ERN1: variants seen among roughly 807,000 people sequenced by gnomAD.
ERN1 encodes endoplasmic reticulum to nucleus signaling 1.
Under a neutral mutation model 113.1 loss-of-function variants are expected in ERN1, and 39 were observed. The observed-to-expected ratio is 0.34, with a 90% CI of 0.27 to 0.45. ERN1 has a LOEUF of 0.45. ERN1 is among the 20% of genes least tolerant of loss of function. The pLI is 1.00. For synonymous variants in ERN1, 507 were observed against 515.9 expected (o/e 0.98, Z 0.23); for missense variants, 976 against 1,274.8 (o/e 0.77, Z 3.57).
chr17:64,111,882 G>A (rs948848365), intron 1 of ERN1, among the ~76,000 whole-genome samples: 2 of 152,082 alleles, frequency 1.3e-5, no homozygotes, highest in Non-Finnish European at 2.9e-5. Context: ...AAAAATTGGT[G>A]GCAGCCAAAG....
intron 12 of ERN1, 70 bp from the exon 13 acceptor site, chr17:64,056,018 C>G (rs1912856970): frequency 1.4e-6 from 2 of 1,473,826 alleles, no homozygotes; most frequent in Admixed American, 4.9e-5. Context: ...TGGGAAGGGA[C>G]AGGTCCCAGT....
intron 1 of ERN1, among the ~76,000 whole-genome samples, chr17:64,120,802 G>C (rs1176214058): frequency 6.6e-6 from 1 of 152,048 alleles, no homozygotes; most frequent in Non-Finnish European, 1.5e-5. Context: ...ACACACAACT[G>C]GTGCAATCCC....
chr17:64,053,210 C>T (rs1480338328), intron 16 of ERN1, 62 bp downstream of exon 16: 3 of 1,409,654 alleles, frequency 2.1e-6, no homozygotes, highest in Non-Finnish European at 2.9e-6. Flanking sequence ...ACTGGTTAGC[C>T]CCACCTGGGC....
At chr17:64,077,879 G>A (rs1331953751) in intron 4 of ERN1, among the ~76,000 whole-genome samples, 1 of 151,912 alleles carries the variant, frequency 6.6e-6, no homozygotes, top group Non-Finnish European at 1.5e-5. Context: ...CCAAGTAGCT[G>A]GGACTATAGG....
At position 64,124,317 on chromosome 17, in the gene ERN1, G is replaced by C. The variant is rs540017307; in HGVS notation, c.54+5659C>G. ...AATTTGTACACAAATGTTCATGGCA[G>C]AATTATTAATAGTCCCAAAGCAGAA... On this transcript the variant is annotated intron_variant, in intron 1 of 21. Coordinates refer to ENST00000433197, the MANE Select transcript of ERN1 (RefSeq NM_001433.5). 5.9e-5 allele frequency among the ~76,000 whole-genome samples: 9 copies of C among 152,314 alleles called. No individual in the cohort carries two copies. In the South Asian group the frequency reaches 1.9e-3, roughly 32 times the overall value.
intron 1 of ERN1, among the ~76,000 whole-genome samples, chr17:64,121,279 C>A (rs1914947944): frequency 6.6e-6 from 1 of 152,202 alleles, no homozygotes; most frequent in African/African-American, 2.4e-5. Context: ...CACGGTAATG[C>A]AAGAGTTCTA....
chr17:64,120,025 G>A (rs983651200), intron 1 of ERN1, among the ~76,000 whole-genome samples: 3 of 152,062 alleles, frequency 2.0e-5, no homozygotes, highest in African/African-American at 7.2e-5. Flanking sequence ...CCAAAGTGCT[G>A]GGATTACAGG....
At chr17:64,091,768 G>C (rs755994959) in intron 2 of ERN1, among the ~76,000 whole-genome samples, 1 of 151,992 alleles carries the variant, frequency 6.6e-6, no homozygotes. Flanking sequence ...GAGTTGGGGC[G>C]GGGGGGCGGC....
intron 1 of ERN1, among the ~76,000 whole-genome samples, chr17:64,126,407 A>T (rs1163023784): frequency 6.6e-6 from 1 of 152,190 alleles, no homozygotes; most frequent in Non-Finnish European, 1.5e-5. Flanking sequence ...ACGGAGTCCA[A>T]ATCTGGGGCA....
intron 19 of ERN1, among the ~76,000 whole-genome samples, chr17:64,047,576 C>T (rs1912550483): frequency 6.6e-6 from 1 of 152,038 alleles, no homozygotes; most frequent in Non-Finnish European, 1.5e-5. Context: ...CATTATGGCA[C>T]ATCCATATGA....
intron 1 of ERN1, among the ~76,000 whole-genome samples, chr17:64,112,314 G>C (rs958756270): frequency 6.6e-6 from 1 of 151,388 alleles, no homozygotes; most frequent in South Asian, 2.1e-4. Flanking sequence ...AGCGCAGTGA[G>C]CTGAGATTGC....
chr17:64,067,895 C>T, intron 7 of ERN1: 2 of 309,214 alleles, frequency 6.5e-6, no homozygotes, highest in Non-Finnish European at 6.1e-6. Context: ...CTTCTACTTT[C>T]CATGGGCTTG....
intron 1 of ERN1, among the ~76,000 whole-genome samples, chr17:64,118,965 A>T (rs180890458): frequency 1.3e-5 from 2 of 152,118 alleles, no homozygotes; most frequent in African/African-American, 2.4e-5. Context: ...TGCTTTAACT[A>T]ACTCACTCCT....
At chr17:64,087,195 C>A (rs1913959822) in intron 2 of ERN1, among the ~76,000 whole-genome samples, 1 of 152,164 alleles carries the variant, frequency 6.6e-6, no homozygotes, top group East Asian at 1.9e-4. Flanking sequence ...CTACACTGCT[C>A]CGAATCCTCT....
At chr17:64,048,869 GC>G (rs1912595250) in intron 18 of ERN1, among the ~76,000 whole-genome samples, 185 bp downstream of exon 18, 1 of 152,108 alleles carries the variant, frequency 6.6e-6, no homozygotes, top group African/African-American at 2.4e-5. Flanking sequence ...AGAAGGTGGC[GC>G]CCCAGAGATA....
chr17:64,040,401 A>G lies in ERN1; in HGVS notation c.*3587T>C, dbSNP rs1164069550. The G allele has an allele frequency of 6.6e-6, 1 of 152,384 alleles. No individual in the cohort carries two copies. The highest frequency in any genetic ancestry group is 2.4e-5 in the African/African-American group (1 of 41,464). 9.4% of individuals were successfully genotyped at this position (152,384 alleles called of 1,614,324 possible). A position where few individuals can be genotyped will look rare whatever the true frequency, so the allele number is the denominator to read the frequency against. ...GAAAGCCAAACCTGGCCAAAGTCCA[A>G]CTTCCTGAAAAGAAAGCAGCCAAGA... On this transcript the variant is annotated 3_prime_UTR_variant, in exon 22 of 22. Transcript: ENST00000433197.
intron 5 of ERN1, among the ~76,000 whole-genome samples, chr17:64,073,163 C>T (rs1913476378): frequency 6.6e-6 from 1 of 151,674 alleles, no homozygotes; most frequent in Admixed American, 6.6e-5. Flanking sequence ...TGCCACTATG[C>T]CTGGCTCTTT....
rs962138323 is a variant in ERN1 at position 64,041,670 on chromosome 17, C to T, written c.*2318G>A. 3.3e-5 allele frequency: 5 copies of T among 152,162 alleles called. No homozygotes were observed. Among genetic ancestry groups the T allele is most frequent in the Non-Finnish European group, 7.4e-5 (5 of 68,018 alleles). The allele number at this position is 152,162 out of a possible 1,614,324, so 9.4% of individuals were successfully genotyped here. A position where few individuals can be genotyped will look rare whatever the true frequency, so the allele number is the denominator to read the frequency against. ...ATTCTGGGACAGAAGAGATGTAAACCGCAAACACGCGCCCTTCCCCACACA... is the reference window on the plus strand; with the variant it reads ...ATTCTGGGACAGAAGAGATGTAAACTGCAAACACGCGCCCTTCCCCACACA... On this transcript the variant is annotated 3_prime_UTR_variant, in exon 22 of 22. Coordinates refer to ENST00000433197, the MANE Select transcript of ERN1 (RefSeq NM_001433.5).
chr17:64,064,040 C>G lies in ERN1; in HGVS notation c.1033G>C (p.Gly345Arg). 6.2e-7 allele frequency: 1 copy of G among 1,613,936 alleles called. No homozygotes were observed. Among genetic ancestry groups the G allele is most frequent in the Non-Finnish European group, 8.5e-7 (1 of 1,179,870 alleles). The change falls in exon 10 of 22, where the codon GGA becomes CGA. Residue 345 changes from glycine to arginine, a missense_variant. Gly to Arg is a moderately radical substitution (Grantham distance 125). Transcript: ENST00000433197. ...TTGAGCTTGTTCTTGCTTTTGAGTC[C>G]GGGATCAAACTTGACGTCCGTGCTG... ...TPSTDVKFDP[G>R]LKSKNKLNYL...
Sources: allele counts gnomAD v4.1 joint callset (sites outside exome capture counted in the v4.1 genomes callset), GRCh38; gene constraint gnomAD v4.1.1; transcripts MANE v1.5; gene names NCBI Gene and HGNC (gene_info 2026-07-23, HGNC 2026-07-21).